The following WHRN variants were observed in gnomAD, a reference collection of about 807,000 sequenced individuals.
The protein encoded by WHRN is whirlin.
WHRN carries 41 observed loss-of-function variants against 68.3 expected under a neutral mutation model. The ratio of observed to expected loss-of-function variants is 0.60; its 90% confidence interval spans 0.47 to 0.78. The LOEUF is 0.78. Among genes scored for constraint, WHRN ranks in the 30% least tolerant of loss-of-function variants. The probability of loss-of-function intolerance (pLI) is 0.00; values close to 1 mark genes in which losing one functional copy is unlikely to be tolerated. For synonymous variants in WHRN, 560 were observed against 561.3 expected (o/e 1.00, Z 0.03); for missense variants, 1,243 against 1,244.7 (o/e 1.00, Z 0.02).
chr9:114,466,190 T>C, intron 3 of WHRN, 77 bp downstream of exon 3: 1 of 1,603,498 alleles, frequency 6.2e-7, no homozygotes, highest in African/African-American at 1.3e-5. Flanking sequence ...TGCTGATTGC[T>C]CTGCTGGAGG....
chr9:114,492,263 G>A (rs765826889), intron 1 of WHRN, among the ~76,000 whole-genome samples: 1 of 152,114 alleles, frequency 6.6e-6, no homozygotes, highest in Non-Finnish European at 1.5e-5. Context: ...TCTCCCCCGA[G>A]CCAATGCCAC....
chr9:114,468,060 A>G (rs1371210413), intron 2 of WHRN, among the ~76,000 whole-genome samples: 1 of 152,232 alleles, frequency 6.6e-6, no homozygotes, highest in Non-Finnish European at 1.5e-5. Context: ...GGTGAACAAG[A>G]GAGACTCAAG....
chr9:114,420,326 G>A (rs1187141122), intron 7 of WHRN, among the ~76,000 whole-genome samples: 2 of 152,124 alleles, frequency 1.3e-5, no homozygotes, highest in Non-Finnish European at 2.9e-5. Context: ...GGAAACAGGC[G>A]AGTCCCCACT....
intron 7 of WHRN, among the ~76,000 whole-genome samples, chr9:114,422,798 G>A (rs1272182279): frequency 1.3e-5 from 2 of 152,184 alleles, no homozygotes; most frequent in Admixed American, 1.3e-4. Context: ...TTGCACCCCT[G>A]CACTCCAGCT....
chr9:114,406,716 CT>C lies in WHRN; in HGVS notation c.1874del (p.Gln625ArgfsTer65). 1 of 1,614,096 alleles carries C rather than the reference CT, an allele frequency of 6.2e-7. No homozygotes were observed. The highest frequency in any genetic ancestry group is 8.5e-7 in the Non-Finnish European group (1 of 1,180,026). On this transcript the variant is annotated frameshift_variant, in exon 9 of 12. Transcript: ENST00000362057. LOFTEE classifies it high-confidence loss of function. ...SCSGTVFSAP[Q>X]NRSPPAGTAP... Reference sequence around the variant, plus strand: ...CGGTGCCCGCTGGCGGGCTGCGGTTCTGTGGAGCCGAGAAGACAGTGCCCGA... The same window carrying C: ...CGGTGCCCGCTGGCGGGCTGCGGTTCGTGGAGCCGAGAAGACAGTGCCCGA...
At chr9:114,443,547 C>G (rs1315325878) in intron 3 of WHRN, among the ~76,000 whole-genome samples, 1 of 152,228 alleles carries the variant, frequency 6.6e-6, no homozygotes, top group Non-Finnish European at 1.5e-5. Context: ...TTCAACAACC[C>G]TTGTGATGAC....
intron 1 of WHRN, among the ~76,000 whole-genome samples, chr9:114,487,189 T>A (rs1264862834): frequency 2.9e-4 from 26 of 88,364 alleles, no homozygotes; most frequent in South Asian, 1.4e-3. Flanking sequence ...CAAAAAAAAA[T>A]TTTTTTTTTT....
chr9:114,442,687 C>T lies in WHRN; in HGVS notation c.964-16274G>A, dbSNP rs117585632. Among the ~76,000 whole-genome samples, 319 of 152,188 alleles carry T rather than the reference C, an allele frequency of 2.1e-3. 9 individuals carry two copies. In the South Asian group the frequency reaches 0.034, roughly 16 times the overall value. The stretch of plus-strand genomic sequence containing the variant: ...TCAAAAAGAGTCTGGGACCTCCCTG[C>T]TCTCTCTCTTGCTCCCTCTCTTACC... On this transcript the variant is annotated intron_variant, in intron 3 of 11. Coordinates refer to ENST00000362057, the MANE Select transcript of WHRN (RefSeq NM_015404.4).
chr9:114,491,183 A>G (rs930943679), intron 1 of WHRN, among the ~76,000 whole-genome samples: 4 of 152,180 alleles, frequency 2.6e-5, no homozygotes, highest in African/African-American at 9.6e-5. Flanking sequence ...AGATACGTTG[A>G]TGGGATTTAG....
chr9:114,473,381 C>T (rs756775949), intron 2 of WHRN, among the ~76,000 whole-genome samples: 6 of 152,158 alleles, frequency 3.9e-5, no homozygotes, highest in Admixed American at 6.5e-5. Flanking sequence ...GTGCGAGGGC[C>T]GGACCCAAAG....
intron 1 of WHRN, among the ~76,000 whole-genome samples, chr9:114,483,908 G>A (rs11789406): frequency 0.38 from 57,754 of 152,094 alleles, 13,273 homozygotes; most frequent in East Asian, 0.59. Flanking sequence ...CAGGGGCTCT[G>A]GGACACCCAG....
chr9:114,496,303 G>A (rs773249386), intron 1 of WHRN, among the ~76,000 whole-genome samples: 5 of 152,118 alleles, frequency 3.3e-5, no homozygotes, highest in African/African-American at 4.8e-5. Flanking sequence ...CAGAAGGGAC[G>A]GTGGGGGGAC....
rs149280061 is a variant in WHRN, at chr9:114,484,564, G to A, written c.619-5793C>T. Among the ~76,000 whole-genome samples the A allele has an allele frequency of 9.0e-3, 1,378 of 152,314 alleles. 6 individuals carry two copies. Among genetic ancestry groups the A allele is most frequent in the South Asian group, 0.028 (133 of 4,822 alleles). On this transcript the variant is annotated intron_variant, in intron 1 of 11. Coordinates refer to ENST00000362057, the MANE Select transcript of WHRN (RefSeq NM_015404.4). ...TTGCAAGATCTGGGGAGAGCCCACC[G>A]CATGCAGGGATGGTCATTAGAGTGC...
chr9:114,428,695 C>T (rs1352386041), intron 3 of WHRN, among the ~76,000 whole-genome samples: 3 of 152,178 alleles, frequency 2.0e-5, no homozygotes, highest in African/African-American at 7.2e-5. Context: ...GTGTCCAAAG[C>T]TACTGTGCTG....
At chr9:114,421,869 G>A (rs956592453) in intron 7 of WHRN, among the ~76,000 whole-genome samples, 4 of 152,150 alleles carry the variant, frequency 2.6e-5, no homozygotes, top group South Asian at 2.1e-4. Context: ...AATGCAGGGC[G>A]ACTTGTGGGG....
At chr9:114,458,878 C>T (rs1318737714) in intron 3 of WHRN, among the ~76,000 whole-genome samples, 1 of 152,138 alleles carries the variant, frequency 6.6e-6, no homozygotes, top group East Asian at 1.9e-4. Context: ...GGCTGGGCAC[C>T]CTGCTAAGCA....
At chr9:114,455,478 T>C (rs1839702291) in intron 3 of WHRN, among the ~76,000 whole-genome samples, 1 of 152,104 alleles carries the variant, frequency 6.6e-6, no homozygotes, top group African/African-American at 2.4e-5. Flanking sequence ...CCCAGCACTT[T>C]GGGAGGCAGA....
intron 3 of WHRN, among the ~76,000 whole-genome samples, chr9:114,443,502 C>G (rs1838559071): frequency 6.6e-6 from 1 of 152,214 alleles, no homozygotes; most frequent in Non-Finnish European, 1.5e-5. Flanking sequence ...ATACAGCCAC[C>G]TCTCTGGTTC....
chr9:114,453,952 A>T (rs547142350), intron 3 of WHRN, among the ~76,000 whole-genome samples: 2 of 152,356 alleles, frequency 1.3e-5, no homozygotes, highest in East Asian at 3.9e-4. Context: ...AATCTCTATA[A>T]GGGATAATTT....
Sources: allele counts gnomAD v4.1 joint callset (sites outside exome capture counted in the v4.1 genomes callset), GRCh38; gene constraint gnomAD v4.1.1; transcripts MANE v1.5; gene names NCBI Gene and HGNC (gene_info 2026-07-23, HGNC 2026-07-21).